COL26A1: variants seen among roughly 807,000 people sequenced by gnomAD.
The protein encoded by COL26A1 is collagen type XXVI alpha 1 chain, also known as collagen alpha-1(XXVI) chain.
Under a neutral mutation model 59.3 loss-of-function variants are expected in COL26A1, and 41 were observed. The ratio of observed to expected loss-of-function variants is 0.69; its 90% CI spans 0.54 to 0.90. COL26A1 has a LOEUF of 0.90. Ranked by LOEUF, COL26A1 falls within the 40% of genes least tolerant of loss-of-function variation. The pLI is 0.00. For missense variants in COL26A1, 612 were observed against 602.3 expected (o/e 1.02, Z -0.17); for synonymous variants, 266 against 256.0 (o/e 1.04, Z -0.37).
At chr7:101,436,591 C>T (rs978624197) in intron 2 of COL26A1, among the ~76,000 whole-genome samples, 50 of 152,232 alleles carry the variant, frequency 3.3e-4, no homozygotes, top group African/African-American at 1.2e-3. Context: ...TCCCCCCGCA[C>T]CCGAGGCAGG....
rs935820279 is a variant in COL26A1 at position 101,452,773 on chromosome 7, AT to A, written c.385+4997del. Among the ~76,000 whole-genome samples the A allele has an allele frequency of 4.6e-3, 687 of 148,520 alleles. 6 individuals carry two copies. Among genetic ancestry groups the A allele is most frequent in the African/African-American group, 0.015 (609 of 40,748 alleles). ...AATATATTATTATTATTATTTATTA[AT>A]TTTTTTTTTTGAGATGGAGTCTGTC... On this transcript the variant is annotated intron_variant, in intron 3 of 12. Transcript: ENST00000313669.
intron 2 of COL26A1, among the ~76,000 whole-genome samples, chr7:101,423,409 A>C (rs1383470515): frequency 6.6e-6 from 1 of 151,984 alleles, no homozygotes; most frequent in Admixed American, 6.6e-5. Flanking sequence ...CTCCTTTACC[A>C]CTTAAGTAAT....
rs748906872 is a variant in COL26A1, at chr7:101,539,959, A to G, written c.514A>G (p.Thr172Ala). 6 of 1,613,300 alleles carry G rather than the reference A, an allele frequency of 3.7e-6. No individual in the cohort carries two copies. Among genetic ancestry groups the G allele is most frequent in the Admixed American group, 3.3e-5 (2 of 59,976 alleles). ...CAACGACCTGCCAGCCCCCGAGAGC[A>G]CTCCGCCGACCTGGAATGAGGACTT... ...PDNDLPAPES[T>A]PPTWNEDFLP... The change falls in exon 5 of 13, where the codon ACT becomes GCT. Residue 172 changes from threonine to alanine, a missense_variant. Coordinates refer to ENST00000313669, the MANE Select transcript of COL26A1 (RefSeq NM_001278563.3).
intron 3 of COL26A1, among the ~76,000 whole-genome samples, chr7:101,512,135 G>C (rs1238069897): frequency 3.3e-5 from 5 of 152,220 alleles, no homozygotes; most frequent in Non-Finnish European, 5.9e-5. Flanking sequence ...GGAGGTCGGG[G>C]TGGAGTGAGA....
At chr7:101,489,981 G>C (rs914026146) in intron 3 of COL26A1, among the ~76,000 whole-genome samples, 3 of 146,524 alleles carry the variant, frequency 2.0e-5, no homozygotes, top group African/African-American at 7.6e-5. Context: ...CTATTGCCCA[G>C]GCTGGAGTGC....
chr7:101,490,513 C>T (rs1470014240), intron 3 of COL26A1, among the ~76,000 whole-genome samples: 2 of 146,266 alleles, frequency 1.4e-5, no homozygotes, highest in Non-Finnish European at 3.0e-5. Flanking sequence ...ACCAGCCTGA[C>T]CAACATGGTG....
At chr7:101,463,281 T>C (rs534249878) in intron 3 of COL26A1, among the ~76,000 whole-genome samples, 1 of 152,334 alleles carries the variant, frequency 6.6e-6, no homozygotes, top group Middle Eastern at 3.4e-3. Flanking sequence ...AGTTTTTTTG[T>C]GACTGCCTTA....
At chr7:101,394,534 G>A (rs1403499577) in intron 1 of COL26A1, among the ~76,000 whole-genome samples, 3 of 151,442 alleles carry the variant, frequency 2.0e-5, no homozygotes, top group South Asian at 2.1e-4. Flanking sequence ...AGCCTCCTGA[G>A]TAGCTGGGAC....
At chr7:101,527,974 A>C (rs1795285539) in intron 3 of COL26A1, among the ~76,000 whole-genome samples, 1 of 152,122 alleles carries the variant, frequency 6.6e-6, no homozygotes, top group African/African-American at 2.4e-5. Context: ...TAATCAAAGA[A>C]AGTTAAACAA....
intron 2 of COL26A1, among the ~76,000 whole-genome samples, chr7:101,437,637 C>T (rs1792948024): frequency 6.6e-6 from 1 of 151,884 alleles, no homozygotes; most frequent in Non-Finnish European, 1.5e-5. Flanking sequence ...TGCAGTGGTA[C>T]ATTCACAGCT....
intron 2 of COL26A1, among the ~76,000 whole-genome samples, chr7:101,436,258 G>A (rs376891398): frequency 3.9e-4 from 59 of 152,302 alleles, no homozygotes; most frequent in Middle Eastern, 3.4e-3. Context: ...GGAGGCCTCA[G>A]AAATGCAGTG....
chr7:101,536,320 G>T (rs1469460132), intron 4 of COL26A1, among the ~76,000 whole-genome samples: 2 of 152,252 alleles, frequency 1.3e-5, no homozygotes, highest in African/African-American at 2.4e-5. Flanking sequence ...GGCCCCACTG[G>T]CAGCTTTGAT....
chr7:101,426,185 G>C (rs912268912), intron 2 of COL26A1, among the ~76,000 whole-genome samples: 10 of 152,110 alleles, frequency 6.6e-5, no homozygotes, highest in Non-Finnish European at 1.5e-4. Flanking sequence ...GAGTCTGCGT[G>C]CTGGGTAGAA....
intron 1 of COL26A1, among the ~76,000 whole-genome samples, chr7:101,373,084 G>C (rs552004030): frequency 2.0e-5 from 3 of 152,324 alleles, no homozygotes; most frequent in Non-Finnish European, 4.4e-5. Flanking sequence ...TGCCTTCATA[G>C]TCTGGGCTTT....
At chr7:101,397,154 C>G (rs1047992952) in intron 1 of COL26A1, among the ~76,000 whole-genome samples, 1 of 152,140 alleles carries the variant, frequency 6.6e-6, no homozygotes, top group African/African-American at 2.4e-5. Context: ...CTTCTAAGGG[C>G]TCCTGTGCAC....
intron 3 of COL26A1, among the ~76,000 whole-genome samples, chr7:101,517,001 G>C (rs1006843086): frequency 6.6e-6 from 1 of 152,070 alleles, no homozygotes. Context: ...GGGCCTTGTC[G>C]AGTGCTCCTC....
At chr7:101,501,197 A>AAAAAG (rs1794697843) in intron 3 of COL26A1, among the ~76,000 whole-genome samples, 1 of 143,822 alleles carries the variant, frequency 7.0e-6, no homozygotes, top group Non-Finnish European at 1.5e-5. Context: ...AAAAAAAAAA[A>AAAAAG]AAAAGAAAAG....
Position 101,555,796 on chromosome 7 carries a change from G to A in COL26A1, c.1090G>A (p.Val364Met), listed in dbSNP as rs754359634. 2.5e-6 allele frequency: 4 copies of A among 1,610,214 alleles called. No individual in the cohort carries two copies. Among genetic ancestry groups the A allele is most frequent in the South Asian group, 1.1e-5 (1 of 89,752 alleles). The stretch of plus-strand genomic sequence containing the variant: ...GTTTCCTCCCCGCCAGGGCGAGGGG[G>A]TGCAGCAGCTGAGAGAGGCCCTGAA... ...EKAATAEGEG[V>M]QQLREALKIL... The change falls in exon 12 of 13, where the codon GTG (valine) becomes ATG (methionine). Residue 364 changes from valine (V) to methionine (M), a missense_variant. Coordinates refer to ENST00000313669, the MANE Select transcript of COL26A1 (RefSeq NM_001278563.3).
intron 3 of COL26A1, among the ~76,000 whole-genome samples, chr7:101,468,063 G>A (rs1316253718): frequency 3.9e-5 from 6 of 152,066 alleles, no homozygotes; most frequent in Admixed American, 3.9e-4. Flanking sequence ...AGCACTTTGG[G>A]AGGCCAAGTC....
Sources: gnomAD v4.1 joint callset for allele counts (sites outside exome capture counted in the v4.1 genomes callset) on GRCh38, gnomAD v4.1.1 for gene constraint, MANE v1.5 for transcripts, NCBI Gene and HGNC (gene_info 2026-07-23, HGNC 2026-07-21) for gene names.